ELAVL2: variants seen among roughly 807,000 people sequenced by gnomAD.
ELAVL2 encodes the protein ELAV like RNA binding protein 2.
Under a neutral mutation model 34.6 loss-of-function variants are expected in ELAVL2, and 4 were observed. The observed-to-expected ratio is 0.12, with a 90% CI of 0.06 to 0.26. The LOEUF (loss-of-function observed/expected upper bound fraction) is 0.26. ELAVL2 is among the 10% of genes least tolerant of loss of function. The pLI, the probability that ELAVL2 is intolerant of heterozygous loss-of-function variation, is 1.00. For missense variants in ELAVL2, 432 were observed against 442.8 expected, an observed-to-expected ratio of 0.98 and a Z score of 0.22; for synonymous variants, 193 against 154.8, an observed-to-expected ratio of 1.25 and a Z score of -1.83.
At chr9:23,715,427 C>T (rs139518188) in intron 3 of ELAVL2, among the ~76,000 whole-genome samples, 1,643 of 152,320 alleles carry the variant, frequency 0.011, 46 homozygotes, top group African/African-American at 0.037. Context: ...GGATTACAGG[C>T]GTGAGCCACC....
At chr9:23,723,306 TA>T (rs1453520020) in intron 3 of ELAVL2, among the ~76,000 whole-genome samples, 1 of 151,708 alleles carries the variant, frequency 6.6e-6, no homozygotes, top group African/African-American at 2.4e-5. Context: ...TCATTCTCAG[TA>T]AACTATCACA....
intron 1 of ELAVL2, among the ~76,000 whole-genome samples, chr9:23,799,434 A>T (rs758422203): frequency 6.6e-6 from 1 of 152,200 alleles, no homozygotes; most frequent in African/African-American, 2.4e-5. Context: ...TAGAACCTAG[A>T]TGTCCCTCCA....
chr9:23,714,366 T>C (rs1045762371), intron 3 of ELAVL2, among the ~76,000 whole-genome samples: 3 of 152,158 alleles, frequency 2.0e-5, no homozygotes, highest in African/African-American at 7.2e-5. Flanking sequence ...TTCTTCCAAA[T>C]CCATGGTGAT....
At chr9:23,699,812 GTT>G (rs199637833) in intron 5 of ELAVL2, among the ~76,000 whole-genome samples, 365 of 82,684 alleles carry the variant, frequency 4.4e-3, no homozygotes, top group Non-Finnish European at 6.6e-3. Flanking sequence ...GGTGGCAAAG[GTT>G]TTTTTTTTTT....
At chr9:23,701,982 C>G (rs2037415846) in intron 4 of ELAVL2, among the ~76,000 whole-genome samples, 2 of 152,074 alleles carry the variant, frequency 1.3e-5, no homozygotes, top group Non-Finnish European at 2.9e-5. Flanking sequence ...ATTGGATAAG[C>G]AGCTCAGAAA....
In ELAVL2 at chr9:23,738,397, A is replaced by T. The variant is rs559637154; in HGVS notation, c.230-7272T>A. Among the ~76,000 whole-genome samples, 16 of 152,316 alleles carry T rather than the reference A, an allele frequency of 1.1e-4. 1 individual carries two copies. Among genetic ancestry groups the T allele is most frequent in the African/African-American group, 3.8e-4 (16 of 41,568 alleles). ...CACTCAAGTTAAGGTGGGTCAAGTT[A>T]AACAGGTCTTCCTTGCTGCCCTCTA... On this transcript the variant is annotated intron_variant, in intron 2 of 6. Coordinates refer to ENST00000397312, the MANE Select transcript of ELAVL2 (RefSeq NM_004432.5).
intron 5 of ELAVL2, among the ~76,000 whole-genome samples, chr9:23,694,371 CTTCT>C (rs796281901): frequency 1.1e-4 from 16 of 152,126 alleles, no homozygotes; most frequent in African/African-American, 3.6e-4. Flanking sequence ...GCATTTGACT[CTTCT>C]TTATCAGTTT....
Position 23,731,085 on chromosome 9 carries a change from G to A in ELAVL2, c.270C>T (p.Pro90=), listed in dbSNP as rs372329307. ...LGYGFVNYID[P]KDAEKAINTL... is the part of the protein sequence containing the mutation. ...TGTTGATAGCTTTCTCTGCATCCTT[G>A]GGGTCAATGTAGTTCACAAAGCCAT... is the stretch of plus-strand genomic sequence containing the variant. The change falls in exon 3 of 7, where the codon CCC becomes CCT. Residue 90 remains proline (P), a synonymous_variant. Transcript: ENST00000397312. 1 of 1,613,110 alleles carries A rather than the reference G, an allele frequency of 6.2e-7. No homozygotes were observed. The highest frequency in any genetic ancestry group is 1.3e-5 in the African/African-American group (1 of 74,926).
At chr9:23,753,525 T>C (rs2052686631) in intron 2 of ELAVL2, among the ~76,000 whole-genome samples, 1 of 152,132 alleles carries the variant, frequency 6.6e-6, no homozygotes, top group Admixed American at 6.5e-5. Flanking sequence ...TACTACATCA[T>C]AAAAATGGGG....
At chr9:23,806,681 G>A (rs1363430106) in intron 1 of ELAVL2, among the ~76,000 whole-genome samples, 1 of 151,880 alleles carries the variant, frequency 6.6e-6, no homozygotes, top group East Asian at 1.9e-4. Flanking sequence ...AAAGTTATAA[G>A]AATCACTGAC....
intron 1 of ELAVL2, among the ~76,000 whole-genome samples, chr9:23,795,182 T>C (rs568894740): frequency 3.3e-5 from 5 of 152,232 alleles, no homozygotes; most frequent in African/African-American, 1.2e-4. Context: ...TATAATTAAG[T>C]GGGTAGTTTG....
chr9:23,764,888 G>A (rs2055885076), intron 1 of ELAVL2: 1 of 1,006,760 alleles, frequency 9.9e-7, no homozygotes, highest in Non-Finnish European at 1.5e-6. Context: ...TACCACAATA[G>A]GTTAAATGTA....
chr9:23,771,239 C>T (rs2057252656), intron 1 of ELAVL2, among the ~76,000 whole-genome samples: 1 of 152,144 alleles, frequency 6.6e-6, no homozygotes, highest in South Asian at 2.1e-4. Context: ...TAAGGTGCTA[C>T]ATTTTAATTA....
chr9:23,717,845 A>C (rs540948200), intron 3 of ELAVL2, among the ~76,000 whole-genome samples: 2 of 152,190 alleles, frequency 1.3e-5, no homozygotes, highest in Non-Finnish European at 2.9e-5. Context: ...AGCCCACATT[A>C]AGCACTCAAA....
the ELAVL2 span, among the ~76,000 whole-genome samples, chr9:23,845,708 A>G: frequency 6.6e-6 from 1 of 151,986 alleles, no homozygotes; most frequent in East Asian, 1.9e-4. Context: ...AACTTACAAA[A>G]TGGATGTATC....
At chr9:23,747,430 T>C (rs1263588528) in intron 2 of ELAVL2, among the ~76,000 whole-genome samples, 2 of 152,164 alleles carry the variant, frequency 1.3e-5, no homozygotes, top group East Asian at 1.9e-4. Flanking sequence ...GACTACGGTA[T>C]TTCATGGCAC....
chr9:23,811,303 C>A (rs1357991612), intron 1 of ELAVL2, among the ~76,000 whole-genome samples: 2 of 151,354 alleles, frequency 1.3e-5, no homozygotes, highest in African/African-American at 4.9e-5. Flanking sequence ...GGTAACGCAG[C>A]GTACAAGCTG....
chr9:23,705,622 G>A (rs1463402396), intron 3 of ELAVL2, among the ~76,000 whole-genome samples: 3 of 152,152 alleles, frequency 2.0e-5, no homozygotes, highest in Admixed American at 1.3e-4. Context: ...ATTTTTCCAT[G>A]GACCATGGTG....
At chr9:23,725,992 T>C (rs550793382) in intron 3 of ELAVL2, among the ~76,000 whole-genome samples, 2 of 152,190 alleles carry the variant, frequency 1.3e-5, no homozygotes, top group Admixed American at 6.5e-5. Context: ...AGTTAAATCA[T>C]TTTAGTAAGG....
Sources: gnomAD v4.1 joint callset for allele counts (sites outside exome capture counted in the v4.1 genomes callset) on GRCh38, gnomAD v4.1.1 for gene constraint, MANE v1.5 for transcripts, NCBI Gene and HGNC (gene_info 2026-07-23, HGNC 2026-07-21) for gene names.